Variants in PARD3B observed in about 807,000 individuals in gnomAD.
PARD3B encodes the protein partitioning defective 3 homolog B.
PARD3B carries 103 observed loss-of-function variants against 130.2 expected under a neutral mutation model. That is an observed-to-expected ratio of 0.79 (90% CI 0.67 to 0.93). The LOEUF is 0.93. Ranked by LOEUF, PARD3B falls within the 40% of genes least tolerant of loss-of-function variation. The pLI is 0.00. For synonymous variants in PARD3B, 583 were observed against 553.2 expected (o/e 1.05, Z -0.76); for missense variants, 1,609 against 1,499.2 (o/e 1.07, Z -1.21).
chr2:204,998,374 GTATATA>G lies in PARD3B; in HGVS notation c.394+33053_394+33058del, dbSNP rs1244536785. 3.9e-3 allele frequency among the ~76,000 whole-genome samples: 304 copies of G among 78,698 alleles called. 19 individuals are homozygous for G. The highest frequency in any genetic ancestry group is 5.7e-3 in the African/African-American group (121 of 21,128). 51.6% of individuals were successfully genotyped at this position (78,698 alleles called of 152,430 possible). A position where few individuals can be genotyped will look rare whatever the true frequency, so the allele number is the denominator to read the frequency against. ...TATATATATATGTGTGTGTGTGTGT[GTATATA>G]TGTGTGTGTATATATGTATATATGT... is the stretch of plus-strand genomic sequence containing the variant. On this transcript the variant is annotated intron_variant, in intron 3 of 22. Coordinates refer to ENST00000406610, the MANE Select transcript of PARD3B (RefSeq NM_001302769.2).
chr2:205,073,130 T>C (rs1700841047), intron 4 of PARD3B, among the ~76,000 whole-genome samples: 1 of 152,342 alleles, frequency 6.6e-6, no homozygotes, highest in African/African-American at 2.4e-5. Context: ...TTTTGGTTAC[T>C]ATTCCAATTA....
intron 2 of PARD3B, among the ~76,000 whole-genome samples, chr2:204,772,670 T>C (rs1054828398): frequency 1.3e-4 from 20 of 152,182 alleles, no homozygotes; most frequent in Non-Finnish European, 1.9e-4. Flanking sequence ...AAATTAAATG[T>C]ACATTACAGA....
chr2:205,162,510 T>C (rs1242370877), intron 11 of PARD3B, among the ~76,000 whole-genome samples: 1 of 152,272 alleles, frequency 6.6e-6, no homozygotes, highest in Non-Finnish European at 1.5e-5. Context: ...TTCATTTAGT[T>C]ACTGTCTTTC....
At chr2:205,450,364 A>C (rs1021636296) in intron 20 of PARD3B, among the ~76,000 whole-genome samples, 1 of 151,706 alleles carries the variant, frequency 6.6e-6, no homozygotes, top group African/African-American at 2.4e-5. Flanking sequence ...TCCAGCCTCA[A>C]CTCCTGCCAG....
chr2:204,555,063 A>G (rs935495845), intron 1 of PARD3B, among the ~76,000 whole-genome samples: 1 of 152,060 alleles, frequency 6.6e-6, no homozygotes, highest in African/African-American at 2.4e-5. Context: ...TGCAGTAAAA[A>G]CCTTGGGTGC....
intron 1 of PARD3B, among the ~76,000 whole-genome samples, chr2:204,596,668 C>T (rs1367561106): frequency 2.6e-5 from 4 of 152,172 alleles, no homozygotes; most frequent in African/African-American, 7.2e-5. Flanking sequence ...GTGGCTCATG[C>T]CTGTAATCCC....
At chr2:205,206,763 T>C (rs953903289) in intron 15 of PARD3B, among the ~76,000 whole-genome samples, 5 of 152,032 alleles carry the variant, frequency 3.3e-5, no homozygotes, top group African/African-American at 1.2e-4. Context: ...AATGGTATAA[T>C]AATGGGAGAC....
chr2:204,815,638 A>G (rs964619960), intron 2 of PARD3B, among the ~76,000 whole-genome samples: 6 of 151,920 alleles, frequency 3.9e-5, no homozygotes, highest in African/African-American at 9.7e-5. Flanking sequence ...CTTATCTAAT[A>G]TAGGCATTTA....
chr2:204,779,588 CGT>C (rs1424345332), intron 2 of PARD3B, among the ~76,000 whole-genome samples: 6 of 152,226 alleles, frequency 3.9e-5, no homozygotes, highest in Admixed American at 6.5e-5. Flanking sequence ...AAACTGAAGA[CGT>C]GTCTGGTAAT....
At chr2:204,596,772 T>G (rs2033306967) in intron 1 of PARD3B, among the ~76,000 whole-genome samples, 1 of 152,062 alleles carries the variant, frequency 6.6e-6, no homozygotes, top group South Asian at 2.1e-4. Flanking sequence ...CTACTAAAAA[T>G]ACAAAATTAG....
intron 5 of PARD3B, among the ~76,000 whole-genome samples, chr2:205,106,025 A>T (rs1291042648): frequency 2.0e-5 from 3 of 152,076 alleles, no homozygotes; most frequent in Non-Finnish European, 4.4e-5. Flanking sequence ...AGCATCATAG[A>T]GTCAACATTA....
chr2:205,136,681 G>A (rs918914502), intron 10 of PARD3B, among the ~76,000 whole-genome samples: 1 of 152,034 alleles, frequency 6.6e-6, no homozygotes, highest in Non-Finnish European at 1.5e-5. Context: ...CAAATCAACA[G>A]AAAAGCAAAC....
At chr2:204,797,960 G>T in intron 2 of PARD3B, among the ~76,000 whole-genome samples, 2 of 152,262 alleles carry the variant, frequency 1.3e-5, no homozygotes, top group Middle Eastern at 6.8e-3. Flanking sequence ...TCACATGAAA[G>T]GATACTGATA....
intron 2 of PARD3B, among the ~76,000 whole-genome samples, chr2:204,805,240 T>G (rs2125509712): frequency 6.6e-6 from 1 of 152,166 alleles, no homozygotes; most frequent in South Asian, 2.1e-4. Flanking sequence ...ACATTACAAC[T>G]GATACTGCAG....
Position 205,054,432 on chromosome 2 carries a change from ATATATTTTTT to A in PARD3B, c.504+6744_504+6753del, listed in dbSNP as rs1332714285. On this transcript the variant is annotated intron_variant, in intron 4 of 22. Transcript: ENST00000406610. ...TATATATATATATATATATATATAT[ATATATTTTTT>A]TTTTTTTTTTTTTTTAATTATACTC... 8.6e-3 allele frequency among the ~76,000 whole-genome samples: 265 copies of A among 30,966 alleles called. 1 individual carries two copies. The highest frequency in any genetic ancestry group is 9.4e-3 in the Non-Finnish European group (177 of 18,848). 20.3% of individuals were successfully genotyped at this position (30,966 alleles called of 152,430 possible).
rs1026836884 is a variant in PARD3B at position 204,689,185 on chromosome 2, T to C, written c.222+2903T>C. The stretch of plus-strand genomic sequence containing the variant: ...AGCCAGTGTTCTTAAGAAATGACTT[T>C]TAAAACTTGTGCCTAAAGTGGTTTG... On this transcript the variant is annotated intron_variant, in intron 2 of 22. Coordinates refer to ENST00000406610, the MANE Select transcript of PARD3B (RefSeq NM_001302769.2). The surrounding 1 kb of genome is among the most constrained non-coding windows in gnomAD (Gnocchi z 5.2). Among the ~76,000 whole-genome samples, 31 of 152,192 alleles carry C rather than the reference T, an allele frequency of 2.0e-4. No homozygotes were observed. Among genetic ancestry groups the C allele is most frequent in the Admixed American group, 1.6e-3 (24 of 15,266 alleles).
At chr2:204,960,078 A>G (rs1690610305) in intron 2 of PARD3B, among the ~76,000 whole-genome samples, 1 of 152,216 alleles carries the variant, frequency 6.6e-6, no homozygotes, top group African/African-American at 2.4e-5. Flanking sequence ...TGAAATTTTC[A>G]CGACTTTGAA....
chr2:205,497,939 G>A (rs2049997602), intron 20 of PARD3B, among the ~76,000 whole-genome samples: 1 of 151,894 alleles, frequency 6.6e-6, no homozygotes, highest in African/African-American at 2.4e-5. Flanking sequence ...CACTTTGGGA[G>A]GCCAAGGCAG....
chr2:204,575,611 T>C lies in PARD3B; in HGVS notation c.120+29492T>C, dbSNP rs1384921874. Among the ~76,000 whole-genome samples, 54 of 152,212 alleles carry C rather than the reference T, an allele frequency of 3.5e-4. 1 individual carries two copies. Among genetic ancestry groups the C allele is most frequent in the Admixed American group, 3.4e-3 (52 of 15,280 alleles). On this transcript the variant is annotated intron_variant, in intron 1 of 22. Coordinates refer to ENST00000406610, the MANE Select transcript of PARD3B (RefSeq NM_001302769.2). ...TGGATGATGTGGTACTTGCGTGTGG[T>C]GTCATCTCTGCTAGAGATGCAGGCC...
Sources: gnomAD v4.1 joint callset for allele counts (sites outside exome capture counted in the v4.1 genomes callset) on GRCh38, gnomAD v4.1.1 for gene constraint, Gnocchi (gnomAD v3.1) non-coding constraint, MANE v1.5 for transcripts, NCBI Gene and HGNC (gene_info 2026-07-23, HGNC 2026-07-21) for gene names.